The following TLN1 variants were observed in gnomAD, a reference collection of about 807,000 sequenced individuals.
The protein encoded by TLN1 is talin 1.
TLN1 carries 56 observed loss-of-function variants against 292.3 expected under a neutral mutation model. That is an observed-to-expected ratio of 0.19 (90% CI 0.15 to 0.24). The LOEUF (loss-of-function observed/expected upper bound fraction) is 0.24, where lower values mean the gene tolerates loss of function less well. TLN1 is among the 10% of genes least tolerant of loss of function. The pLI is 1.00. For synonymous variants in TLN1, 1,119 were observed against 1,253.7 expected (o/e 0.89, Z 2.27); for missense variants, 2,433 against 3,248.2 (o/e 0.75, Z 6.10).
chr9:35,717,404 C>T lies in TLN1; in HGVS notation c.2200G>A (p.Glu734Lys). Residue 734 changes from glutamate to lysine, a missense_variant, in exon 19 of 57, where the codon GAG becomes AAG. Coordinates refer to ENST00000314888, the MANE Select transcript of TLN1 (RefSeq NM_006289.4). This position sits in a 1 kb window ranked among gnomAD's most constrained non-coding sequence, Gnocchi z 4.7. ...AGTCGTCCAGCCTCCACCAGTTGCT[C>T]TTGGCAGACAGGTGAGCTGATTGTA... ...APTISSPVCQ[E>K]QLVEAGRLVA... The T allele has an allele frequency of 6.2e-7, 1 of 1,614,076 alleles. No individual in the cohort carries two copies. Among genetic ancestry groups the T allele is most frequent in the Non-Finnish European group, 8.5e-7 (1 of 1,179,944 alleles).
At position 35,719,377 on chromosome 9, in the gene TLN1, A is replaced by G. The variant is rs1825842829; in HGVS notation, c.1688-95T>C. ...AAGTCACACCCAGTTAGTCACACACATGTCCACAGAAAGACGCACACACAC... is the reference window on the plus strand; with the variant it reads ...AAGTCACACCCAGTTAGTCACACACGTGTCCACAGAAAGACGCACACACAC... On this transcript the variant is annotated intron_variant, in intron 15 of 56. Transcript: ENST00000314888. The surrounding 1 kb of genome is among the most constrained non-coding windows in gnomAD (Gnocchi z 4.6). 6 of 1,381,616 alleles carry G rather than the reference A, an allele frequency of 4.3e-6. No individual in the cohort carries two copies. In the South Asian group the frequency reaches 6.1e-5, roughly 14 times the overall value. The allele number at this position is 1,381,616 out of a possible 1,614,324, so 85.6% of individuals were successfully genotyped here.
intron 31 of TLN1, 21 bp from the exon 32 acceptor site, chr9:35,710,907 G>A (rs41298204): frequency 6.2e-7 from 1 of 1,614,066 alleles, no homozygotes; most frequent in South Asian, 1.1e-5. Flanking sequence ...GGAGGGCAAA[G>A]TGAGATCCAA....
At position 35,699,460 on chromosome 9, in the gene TLN1, G is replaced by T; in HGVS notation, c.6770C>A (p.Thr2257Asn). The change falls in exon 51 of 57, where the codon ACC (threonine) becomes AAC (asparagine). Residue 2257 changes from threonine (T) to asparagine (N), a missense_variant and splice_region_variant. By Grantham distance (65) the Thr-to-Asn change is moderately conservative. Around this residue, in one of 7 missense-constraint regions of TLN1, gnomAD observed 1,384 missense variants for 1,699.6 expected, o/e 0.81. Coordinates refer to ENST00000314888, the MANE Select transcript of TLN1 (RefSeq NM_006289.4). This position sits in a 1 kb window ranked among gnomAD's most constrained non-coding sequence, Gnocchi z 4.0. ...YLELLDHVLL[T>N]LQKPSPELKQ... Reference sequence around the variant, plus strand: ...CAGTTCTGGGCTTGGCTTCTGCAGGGTCTGGGCAAGAAGCGGGCAGGGGAC... The same window carrying T: ...CAGTTCTGGGCTTGGCTTCTGCAGGTTCTGGGCAAGAAGCGGGCAGGGGAC... 7 of 1,612,116 alleles carry T rather than the reference G, an allele frequency of 4.3e-6. No homozygotes were observed. The highest frequency in any genetic ancestry group is 5.9e-6 in the Non-Finnish European group (7 of 1,178,956).
chr9:35,723,921 C>A, intron 7 of TLN1, 31 bp downstream of exon 7: 3 of 1,612,032 alleles, frequency 1.9e-6, no homozygotes, highest in Non-Finnish European at 2.5e-6. Context: ...AGTCCTGGGC[C>A]CTGACAGGGT....
rs1825754168 is a variant in TLN1, at chr9:35,715,089, G to A, written c.2724C>T (p.Ala908=). ...RMATNAAAQN[A]IKKKLVQRLE... ...GGCGCTGCACCAGCTTTTTCTTGAT[G>A]GCATTCTGCGCAGCTGCATTGGTGG... is the stretch of plus-strand genomic sequence containing the variant. Residue 908 remains alanine, a synonymous_variant, in exon 21 of 57, where the codon GCC becomes GCT. Transcript: ENST00000314888. The A allele has an allele frequency of 6.2e-7, 1 of 1,613,232 alleles. No individual in the cohort carries two copies. Among genetic ancestry groups the A allele is most frequent in the Non-Finnish European group, 8.5e-7 (1 of 1,180,036 alleles).
intron 1 of TLN1, among the ~76,000 whole-genome samples, chr9:35,730,659 A>G (rs750331286): frequency 6.6e-6 from 1 of 152,088 alleles, no homozygotes; most frequent in African/African-American, 2.4e-5. Context: ...TGAGGGAGGT[A>G]GAACTAAGGA....
intron 26 of TLN1, 32 bp from the exon 27 acceptor site, chr9:35,713,075 G>C: frequency 6.3e-7 from 1 of 1,579,848 alleles, no homozygotes; most frequent in Non-Finnish European, 8.6e-7. Flanking sequence ...GGGAAGGGAA[G>C]GTGCTTTCAT....
Position 35,725,614 on chromosome 9 carries a change from G to T in TLN1, c.81C>A (p.Asp27Glu). ...MQFEPSTMVY[D>E]ACRIIRERIP... ...TCCGCTCACGAATGATGCGGCAGGC[G>T]TCGTACACCATGGTAGACGGCTCAA... Residue 27 changes from aspartate to glutamate, a missense_variant, in exon 2 of 57, where the codon GAC becomes GAA. By Grantham distance (45) the Asp-to-Glu change is conservative (BLOSUM62 2). Around this residue, in one of 7 missense-constraint regions of TLN1, gnomAD observed 155 missense variants for 287.9 expected, o/e 0.54. Coordinates refer to ENST00000314888, the MANE Select transcript of TLN1 (RefSeq NM_006289.4). 1.2e-6 allele frequency: 2 copies of T among 1,613,876 alleles called. No individual in the cohort carries two copies.
Position 35,712,004 on chromosome 9 carries a change from C to CCGAGTCACT in TLN1, c.3673_3681dup (p.Ser1225_Ser1227dup). ...TCCCCCACCCCCTACCGTCCTCCTA[C>CCGAGTCACT]CGAGTCACTCAGGAGTCGCTTGCTG... On this transcript the variant is annotated inframe_insertion and splice_region_variant. Coordinates refer to ENST00000314888, the MANE Select transcript of TLN1 (RefSeq NM_006289.4). The CCGAGTCACT allele has an allele frequency of 6.2e-7, 1 of 1,613,712 alleles. No homozygotes were observed. The highest frequency in any genetic ancestry group is 1.7e-5 in the Admixed American group (1 of 59,996).
chr9:35,712,072 C>G lies in TLN1; in HGVS notation c.3614G>C (p.Gly1205Ala). Residue 1205 changes from glycine (G) to alanine (A), a missense_variant, in exon 28 of 57, where the codon GGC (glycine) becomes GCC (alanine). Gly to Ala is a moderately conservative substitution (Grantham distance 60, BLOSUM62 0). This residue lies in a region of TLN1 where 1,384 missense variants were observed against 1,699.6 expected (regional missense o/e 0.81). Coordinates refer to ENST00000314888, the MANE Select transcript of TLN1 (RefSeq NM_006289.4). Reference sequence around the variant, plus strand: ...CAGGGCATTATCCACATCGCGCTGGCCAGGTAGGCAGCTGACACAGCGGTT... The same window carrying G: ...CAGGGCATTATCCACATCGCGCTGGGCAGGTAGGCAGCTGACACAGCGGTT... ...ALNRCVSCLPGQRDVDNALRA... is the reference protein window; with the variant it reads ...ALNRCVSCLPAQRDVDNALRA... The G allele has an allele frequency of 6.2e-7, 1 of 1,614,092 alleles. No homozygotes were observed. Among genetic ancestry groups the G allele is most frequent in the Non-Finnish European group, 8.5e-7 (1 of 1,180,004 alleles).
At chr9:35,711,230 G>A (rs747025924) in intron 30 of TLN1, 25 bp downstream of exon 30, 17 of 1,613,796 alleles carry the variant, frequency 1.1e-5, no homozygotes, top group Non-Finnish European at 1.3e-5. Context: ...ACAGTCCAGG[G>A]CTGGGCTTCT....
intron 7 of TLN1, chr9:35,723,565 G>T: frequency 4.3e-6 from 1 of 232,504 alleles, no homozygotes; most frequent in Non-Finnish European, 8.6e-6. Flanking sequence ...CACTTAGGAA[G>T]CTGAGAAAGC....
At chr9:35,723,292 A>G in intron 7 of TLN1, 1 of 228,994 alleles carries the variant, frequency 4.4e-6, no homozygotes, top group South Asian at 5.3e-5. Flanking sequence ...GTAGAGATAC[A>G]TGGTTTCTCC....
In TLN1 at chr9:35,724,100, A is replaced by C. The variant is rs748885363; in HGVS notation, c.655-21T>G. The C allele has an allele frequency of 6.2e-7, 1 of 1,612,768 alleles. No individual in the cohort carries two copies. Among genetic ancestry groups the C allele is most frequent in the Non-Finnish European group, 8.5e-7 (1 of 1,178,862 alleles). On this transcript the variant is annotated intron_variant, in intron 6 of 56. Transcript: ENST00000314888. The surrounding 1 kb of genome is among the most constrained non-coding windows in gnomAD (Gnocchi z 4.7). ...CGTGCCTGGAGAGCACAGGGCAAGG[A>C]GGCGAATGTTGTGTGTGGGTGCAAG...
Position 35,707,153 on chromosome 9 carries a change from CG to C in TLN1, c.4873del (p.Arg1625GlyfsTer23). On this transcript the variant is annotated frameshift_variant, in exon 37 of 57. Coordinates refer to ENST00000314888, the MANE Select transcript of TLN1 (RefSeq NM_006289.4). LOFTEE classifies it high-confidence loss of function. This position sits in a 1 kb window ranked among gnomAD's most constrained non-coding sequence, Gnocchi z 5.6. ...CAGCACCGACCAGCTCGGGGGGTCC[CG>C]GGGATTGACTGCGAGGGCCCGGGCT... The part of the protein sequence containing the change: ...QTARALAVNP[R>X]DPPSWSVLAG... 6.2e-7 allele frequency: 1 copy of C among 1,610,292 alleles called. No homozygotes were observed.
intron 33 of TLN1, among the ~76,000 whole-genome samples, chr9:35,709,084 A>G (rs531447037): frequency 1.3e-5 from 2 of 152,286 alleles, no homozygotes; most frequent in African/African-American, 4.8e-5. Context: ...GGTGGGGGGA[A>G]AAAAACCAAA....
At position 35,719,175 on chromosome 9, in the gene TLN1, C is replaced by T; in HGVS notation, c.1795G>A (p.Glu599Lys). 6.2e-7 allele frequency: 1 copy of T among 1,614,212 alleles called. No individual in the cohort carries two copies. Residue 599 changes from glutamate to lysine, a missense_variant, in exon 16 of 57, where the codon GAG (glutamate) becomes AAG (lysine). Transcript: ENST00000314888. This position sits in a 1 kb window ranked among gnomAD's most constrained non-coding sequence, Gnocchi z 4.6. ...GGCCGACCACTGCCGCCTTCGTCCT[C>T]CAGCAAGGCAGCCAGCAGCTTCACC... ...RGVKLLAALLEDEGGSGRPLL... is the reference protein window; with the variant it reads ...RGVKLLAALLKDEGGSGRPLL...
chr9:35,708,016 A>T, intron 34 of TLN1, 124 bp from the exon 35 acceptor site: 1 of 1,165,584 alleles, frequency 8.6e-7, no homozygotes. Flanking sequence ...GGAATAACAG[A>T]GTCACCTGAA....
chr9:35,703,342 G>A (rs1825500118), intron 48 of TLN1, among the ~76,000 whole-genome samples: 1 of 152,114 alleles, frequency 6.6e-6, no homozygotes, highest in Admixed American at 6.5e-5. Context: ...AAATGGAAAG[G>A]TCACCCACAC....
Sources: gnomAD v4.1 joint callset for allele counts (sites outside exome capture counted in the v4.1 genomes callset) on GRCh38, gnomAD v4.1.1 for gene constraint, gnomAD v4.1.1 regional missense constraint, Gnocchi (gnomAD v3.1) non-coding constraint, MANE v1.5 for transcripts, NCBI Gene and HGNC (gene_info 2026-07-23, HGNC 2026-07-21) for gene names.